SPEN: variants seen among roughly 807,000 people sequenced by gnomAD.
SPEN encodes the protein spen family transcriptional repressor, also known as msx2-interacting protein.
Under a neutral mutation model 269.9 loss-of-function variants are expected in SPEN, and 18 were observed. The observed-to-expected ratio is 0.07, with a 90% CI of 0.05 to 0.10. SPEN has a LOEUF of 0.10. Ranked by LOEUF, SPEN falls within the 10% of genes least tolerant of loss-of-function variation. The pLI is 1.00. For synonymous variants in SPEN, 1,726 were observed against 1,765.7 expected (o/e 0.98, Z 0.56); for missense variants, 3,822 against 4,631.2 (o/e 0.83, Z 5.07).
Position 15,939,680 on chromosome 1 carries a change from C to T in SPEN, c.*253C>T, listed in dbSNP as rs2071319204. ...ACCCATGGACTCGCAGACACCGGGG[C>T]TGGGTTTCTCTTTCCTCTTTTTGGA... is the stretch of plus-strand genomic sequence containing the variant. On this transcript the variant is annotated 3_prime_UTR_variant, in exon 15 of 15. Transcript: ENST00000375759. The surrounding 1 kb of genome is among the most constrained non-coding windows in gnomAD (Gnocchi z 4.1). 5.6e-6 allele frequency: 2 copies of T among 357,648 alleles called. No homozygotes were observed. Among genetic ancestry groups the T allele is most frequent in the African/African-American group, 2.1e-5 (1 of 48,062 alleles). The allele number at this position is 357,648 out of a possible 1,614,324, so 22.2% of individuals were successfully genotyped here.
chr1:15,851,658 G>A (rs910755380), intron 1 of SPEN, among the ~76,000 whole-genome samples: 3 of 152,122 alleles, frequency 2.0e-5, no homozygotes, highest in Non-Finnish European at 2.9e-5. Flanking sequence ...AAGATTATGC[G>A]GAGGTAAACT....
In SPEN at chr1:15,939,351, C is replaced by G. The variant is rs376510364; in HGVS notation, c.10919C>G (p.Ser3640Cys). 1.2e-6 allele frequency: 2 copies of G among 1,607,130 alleles called. No homozygotes were observed. The highest frequency in any genetic ancestry group is 2.2e-5 in the South Asian group (2 of 89,648). The stretch of plus-strand genomic sequence containing the variant: ...TGTGAGTTCTCTGAGAGTCACCTGT[C>G]CCGCCTGGCCCCTGACCTCCTTGCC... ...PPCEFSESHL[S>C]RLAPDLLASI... Residue 3640 changes from serine to cysteine, a missense_variant, in exon 15 of 15, where the codon TCC becomes TGC. Around this residue, in one of 16 missense-constraint regions of SPEN, gnomAD observed 103 missense variants for 215.8 expected, o/e 0.48. Coordinates refer to ENST00000375759, the MANE Select transcript of SPEN (RefSeq NM_015001.3). The surrounding 1 kb of genome is among the most constrained non-coding windows in gnomAD (Gnocchi z 4.1).
intron 1 of SPEN, among the ~76,000 whole-genome samples, chr1:15,852,996 A>T (rs964230857): frequency 6.6e-6 from 1 of 151,976 alleles, no homozygotes; most frequent in Non-Finnish European, 1.5e-5. Flanking sequence ...AGCTAGAACC[A>T]CAGGTATGTG....
In SPEN at chr1:15,904,452, C is replaced by CAAAAAAAAA. The variant is rs1215369183; in HGVS notation, c.882-4852_882-4844dup. Among the ~76,000 whole-genome samples the CAAAAAAAAA allele has an allele frequency of 3.0e-3, 148 of 48,586 alleles. 6 individuals are homozygous for CAAAAAAAAA. Among genetic ancestry groups the CAAAAAAAAA allele is most frequent in the Middle Eastern group, 0.019 (1 of 54 alleles). 31.9% of individuals were successfully genotyped at this position (48,586 alleles called of 152,430 possible). On this transcript the variant is annotated intron_variant, in intron 3 of 14. Transcript: ENST00000375759. Reference sequence around the variant, plus strand: ...GGGCAATAAGAGCGAAACTCCATCTCAAAAAAAAAAAAAAAAAAAAAAAAA... The same window carrying CAAAAAAAAA: ...GGGCAATAAGAGCGAAACTCCATCTCAAAAAAAAAAAAAAAAAAAAAAAAAAAAAAAAAA...
intron 1 of SPEN, among the ~76,000 whole-genome samples, chr1:15,860,978 C>T (rs1203689196): frequency 2.6e-5 from 4 of 152,004 alleles, no homozygotes; most frequent in East Asian, 3.9e-4. Context: ...GGTCTTGGCT[C>T]ACTGCAATCT....
rs146292630 is a variant in SPEN, at chr1:15,930,354, G to C, written c.4114G>C (p.Asp1372His). 1 of 1,613,504 alleles carries C rather than the reference G, an allele frequency of 6.2e-7. No homozygotes were observed. Among genetic ancestry groups the C allele is most frequent in the African/African-American group, 1.3e-5 (1 of 74,916 alleles). Residue 1372 changes from aspartate to histidine, a missense_variant, in exon 11 of 15, where the codon GAT (aspartate) becomes CAT (histidine). Coordinates refer to ENST00000375759, the MANE Select transcript of SPEN (RefSeq NM_015001.3). The surrounding 1 kb of genome is among the most constrained non-coding windows in gnomAD (Gnocchi z 5.3). ...RDSLRKRSVRDLEPGEVPSDS... is the reference protein window; with the variant it reads ...RDSLRKRSVRHLEPGEVPSDS... ...TAGCCTTCGAAAAAGGTCTGTACGA[G>C]ATCTGGAACCTGGTGAGGTGCCTTC...
At position 15,939,932 on chromosome 1, in the gene SPEN, G is replaced by C. The variant is rs541882913; in HGVS notation, c.*505G>C. 4.3e-6 allele frequency: 1 copy of C among 232,090 alleles called. No individual in the cohort carries two copies. Among genetic ancestry groups the C allele is most frequent in the African/African-American group, 2.2e-5 (1 of 45,054 alleles). The allele number at this position is 232,090 out of a possible 1,614,324, so 14.4% of individuals were successfully genotyped here. ...CTTGGGGTCAAGGAACATTTCATTG[G>C]TTTTTTTTGTCCACCCCCATCTCCC... is the stretch of plus-strand genomic sequence containing the variant. On this transcript the variant is annotated 3_prime_UTR_variant, in exon 15 of 15. Transcript: ENST00000375759. The surrounding 1 kb of genome is among the most constrained non-coding windows in gnomAD (Gnocchi z 4.1).
In SPEN at chr1:15,931,161, A is replaced by G. The variant is rs775704697; in HGVS notation, c.4921A>G (p.Ser1641Gly). The G allele has an allele frequency of 3.8e-5, 61 of 1,614,118 alleles. No individual in the cohort carries two copies. The highest frequency in any genetic ancestry group is 6.7e-5 in the Admixed American group (4 of 60,008). The change falls in exon 11 of 15, where the codon AGT (serine) becomes GGT (glycine). Residue 1641 changes from serine (S) to glycine (G), a missense_variant. This residue lies in a region of SPEN where 533 missense variants were observed against 618.8 expected (regional missense o/e 0.86). Transcript: ENST00000375759. This position sits in a 1 kb window ranked among gnomAD's most constrained non-coding sequence, Gnocchi z 4.8. ...AACTCCACCTTCCGTTGGGCCTCCA[A>G]GTGTCACAGTCGTAACTCTAGAATC... Reference protein sequence around the residue: ...LKTPPSVGPPSVTVVTLESAP... With the variant: ...LKTPPSVGPPGVTVVTLESAP...
At chr1:15,858,955 A>C (rs1375468977) in intron 1 of SPEN, among the ~76,000 whole-genome samples, 1 of 152,148 alleles carries the variant, frequency 6.6e-6, no homozygotes, top group Non-Finnish European at 1.5e-5. Flanking sequence ...AAAAACAAAC[A>C]AACAAAAAAC....
At position 15,904,452 on chromosome 1, in the gene SPEN, C is replaced by CAA. The variant is rs1215369183; in HGVS notation, c.882-4845_882-4844dup. On this transcript the variant is annotated intron_variant, in intron 3 of 14. Transcript: ENST00000375759. ...GGGCAATAAGAGCGAAACTCCATCT[C>CAA]AAAAAAAAAAAAAAAAAAAAAAAAA... Among the ~76,000 whole-genome samples the CAA allele has an allele frequency of 6.8e-3, 326 of 48,290 alleles. 14 individuals carry two copies. The highest frequency in any genetic ancestry group is 8.1e-3 in the African/African-American group (136 of 16,796). 31.7% of individuals were successfully genotyped at this position (48,290 alleles called of 152,430 possible).
At chr1:15,886,484 G>A (rs531541646) in intron 3 of SPEN, among the ~76,000 whole-genome samples, 68 of 152,292 alleles carry the variant, frequency 4.5e-4, no homozygotes, top group Non-Finnish European at 7.3e-4. Flanking sequence ...GGGGCGGGGC[G>A]CAGGGACCCG....
intron 3 of SPEN, among the ~76,000 whole-genome samples, chr1:15,881,053 A>G (rs1252689464): frequency 1.3e-5 from 2 of 152,116 alleles, no homozygotes; most frequent in Admixed American, 6.6e-5. Context: ...TGCAGTGGTC[A>G]TAGCTCCTGG....
At chr1:15,885,851 G>A (rs2070732143) in intron 3 of SPEN, among the ~76,000 whole-genome samples, 1 of 152,168 alleles carries the variant, frequency 6.6e-6, no homozygotes, top group African/African-American at 2.4e-5. Context: ...AGAGGTCACT[G>A]AAGAGCCCAC....
Position 15,939,001 on chromosome 1 carries a change from C to G in SPEN, c.10863+125C>G, listed in dbSNP as rs2071308751. 2.3e-6 allele frequency: 3 copies of G among 1,298,774 alleles called. No homozygotes were observed. The highest frequency in any genetic ancestry group is 1.5e-5 in the African/African-American group (1 of 67,902). The allele number at this position is 1,298,774 out of a possible 1,614,324, so 80.5% of individuals were successfully genotyped here. A position where few individuals can be genotyped will look rare whatever the true frequency, so the allele number is the denominator to read the frequency against. On this transcript the variant is annotated intron_variant, in intron 14 of 14. Coordinates refer to ENST00000375759, the MANE Select transcript of SPEN (RefSeq NM_015001.3). The surrounding 1 kb of genome is among the most constrained non-coding windows in gnomAD (Gnocchi z 4.1). Reference sequence around the variant, plus strand: ...GAGGTGGGCAAAGGGGCATTTTGGACAGAAGTCAGTAGAGCACATGGGGCG... The same window carrying G: ...GAGGTGGGCAAAGGGGCATTTTGGAGAGAAGTCAGTAGAGCACATGGGGCG...
Position 15,930,669 on chromosome 1 carries a change from A to G in SPEN, c.4429A>G (p.Asn1477Asp), listed in dbSNP as rs2071211929. ...CTCCCGATTTGCAAATTTTCGAAAC[A>G]ACAAAGATAAAGAAAAGGTTGACTC... ...WDSRFANFRN[N>D]KDKEKVDSAP... The change falls in exon 11 of 15, where the codon AAC becomes GAC. Residue 1477 changes from asparagine to aspartate, a missense_variant. Asn to Asp is a conservative substitution (Grantham distance 23). Transcript: ENST00000375759. This position sits in a 1 kb window ranked among gnomAD's most constrained non-coding sequence, Gnocchi z 5.3. 3 of 1,614,180 alleles carry G rather than the reference A, an allele frequency of 1.9e-6. No individual in the cohort carries two copies. The highest frequency in any genetic ancestry group is 2.5e-6 in the Non-Finnish European group (3 of 1,180,030).
intron 1 of SPEN, among the ~76,000 whole-genome samples, chr1:15,855,238 G>A (rs1050060252): frequency 7.9e-5 from 12 of 152,092 alleles, no homozygotes; most frequent in African/African-American, 2.9e-4. Context: ...GATGCTGTTT[G>A]GGTCACTAGG....
Position 15,937,734 on chromosome 1 carries a change from G to A in SPEN, c.10510-78G>A. 1 of 1,607,424 alleles carries A rather than the reference G, an allele frequency of 6.2e-7. No individual in the cohort carries two copies. Among genetic ancestry groups the A allele is most frequent in the Non-Finnish European group, 8.5e-7 (1 of 1,176,410 alleles). On this transcript the variant is annotated intron_variant, in intron 12 of 14. Coordinates refer to ENST00000375759, the MANE Select transcript of SPEN (RefSeq NM_015001.3). This position sits in a 1 kb window ranked among gnomAD's most constrained non-coding sequence, Gnocchi z 5.7. ...GATTCCCTAGTTAACAGACCCACAA[G>A]CTACAGCCTCTGGCTGTGTCCAGCA...
At chr1:15,921,313 G>A (rs1470361241) in intron 9 of SPEN, among the ~76,000 whole-genome samples, 1 of 152,202 alleles carries the variant, frequency 6.6e-6, no homozygotes, top group Non-Finnish European at 1.5e-5. Flanking sequence ...CTGGGTGACA[G>A]AGTAAGACTC....
At chr1:15,889,518 A>G (rs2070770007) in intron 3 of SPEN, among the ~76,000 whole-genome samples, 1 of 151,870 alleles carries the variant, frequency 6.6e-6, no homozygotes. Flanking sequence ...TTCTTTATAC[A>G]AGCACCCCTC....
Sources: allele counts gnomAD v4.1 joint callset (sites outside exome capture counted in the v4.1 genomes callset), GRCh38; gene constraint gnomAD v4.1.1; regional missense constraint gnomAD v4.1.1; non-coding constraint Gnocchi (gnomAD v3.1); transcripts MANE v1.5; gene names NCBI Gene and HGNC (gene_info 2026-07-23, HGNC 2026-07-21).